Variants in CAMK1D observed in about 807,000 individuals in gnomAD.
CAMK1D encodes calcium/calmodulin-dependent protein kinase type 1D.
CAMK1D carries 9 observed loss-of-function variants against 47.7 expected under a neutral mutation model. That is an observed-to-expected ratio of 0.19 (90% CI 0.11 to 0.33). The LOEUF is 0.33. Among genes scored for constraint, CAMK1D ranks in the 10% least tolerant of loss-of-function variants. The pLI is 1.00. For missense variants in CAMK1D, 291 were observed against 488.7 expected, an observed-to-expected ratio of 0.60 and a Z score of 3.81; for synonymous variants, 184 against 184.9, an observed-to-expected ratio of 0.99 and a Z score of 0.04.
intron 2 of CAMK1D, among the ~76,000 whole-genome samples, chr10:12,577,052 A>C (rs1270248800): frequency 6.6e-6 from 1 of 152,210 alleles, no homozygotes; most frequent in African/African-American, 2.4e-5. Flanking sequence ...TCTAGCACGG[A>C]CTGGGATGCC....
intron 2 of CAMK1D, among the ~76,000 whole-genome samples, chr10:12,657,198 A>G (rs1840142548): frequency 6.6e-6 from 1 of 152,082 alleles, no homozygotes; most frequent in African/African-American, 2.4e-5. Context: ...AGGCCGAGGC[A>G]GGCTGATCAC....
intron 3 of CAMK1D, among the ~76,000 whole-genome samples, chr10:12,756,981 A>C (rs541763890): frequency 6.6e-6 from 1 of 152,214 alleles, no homozygotes; most frequent in African/African-American, 2.4e-5. Flanking sequence ...GCTGTTGTAA[A>C]TAAACCTCAA....
intron 1 of CAMK1D, among the ~76,000 whole-genome samples, chr10:12,537,713 G>A (rs1384079438): frequency 1.3e-5 from 2 of 152,148 alleles, no homozygotes; most frequent in East Asian, 1.9e-4. Context: ...GTGTTAGTGG[G>A]AAGCCCTTGG....
At chr10:12,465,900 C>T (rs1414783078) in intron 1 of CAMK1D, among the ~76,000 whole-genome samples, 1 of 152,126 alleles carries the variant, frequency 6.6e-6, no homozygotes, top group Non-Finnish European at 1.5e-5. Context: ...TTGCTGCCTG[C>T]CCACTGCTAG....
chr10:12,541,380 T>C (rs1010315648), intron 1 of CAMK1D, among the ~76,000 whole-genome samples: 2 of 152,202 alleles, frequency 1.3e-5, no homozygotes, highest in African/African-American at 4.8e-5. Context: ...CTTTTTTTGT[T>C]TAAGATGGAG....
At chr10:12,642,481 G>A (rs982178009) in intron 2 of CAMK1D, among the ~76,000 whole-genome samples, 6 of 152,156 alleles carry the variant, frequency 3.9e-5, no homozygotes, top group Non-Finnish European at 7.4e-5. Context: ...GGGGGGTAGC[G>A]GATAAACCCA....
intron 1 of CAMK1D, among the ~76,000 whole-genome samples, chr10:12,459,569 C>G (rs1833363394): frequency 6.6e-6 from 1 of 152,058 alleles, no homozygotes; most frequent in Admixed American, 6.6e-5. Context: ...GTCTTCATGA[C>G]AGTCATTGTC....
intron 2 of CAMK1D, among the ~76,000 whole-genome samples, chr10:12,650,636 C>T (rs1839933957): frequency 6.6e-6 from 1 of 152,118 alleles, no homozygotes; most frequent in Non-Finnish European, 1.5e-5. Flanking sequence ...CAGTGGGGAC[C>T]ATAACAGACT....
chr10:12,530,999 A>C (rs1290091237), intron 1 of CAMK1D, among the ~76,000 whole-genome samples: 1 of 151,680 alleles, frequency 6.6e-6, no homozygotes. Flanking sequence ...TGAAGGTTGC[A>C]GTGAGCCAAG....
intron 1 of CAMK1D, among the ~76,000 whole-genome samples, chr10:12,527,715 A>C (rs1835672832): frequency 2.0e-5 from 3 of 152,178 alleles, no homozygotes; most frequent in Non-Finnish European, 2.9e-5. Flanking sequence ...ATAAAGGAGG[A>C]AAAATTAATC....
intron 3 of CAMK1D, among the ~76,000 whole-genome samples, chr10:12,735,016 C>T (rs1227630898): frequency 1.3e-5 from 2 of 152,152 alleles, no homozygotes; most frequent in Non-Finnish European, 2.9e-5. Context: ...AAGCATTTAC[C>T]TAGCCTGAAG....
chr10:12,392,791 T>A (rs1451252036), intron 1 of CAMK1D, among the ~76,000 whole-genome samples: 1 of 152,090 alleles, frequency 6.6e-6, no homozygotes, highest in Admixed American at 6.6e-5. Flanking sequence ...GACAAAAGTC[T>A]CCCCAACCCC....
intron 1 of CAMK1D, among the ~76,000 whole-genome samples, chr10:12,409,406 G>C (rs1324547920): frequency 2.0e-5 from 3 of 152,198 alleles, no homozygotes; most frequent in Non-Finnish European, 4.4e-5. Context: ...GGTGTATGCT[G>C]TTCTAGACAG....
At chr10:12,478,769 T>C (rs1191179906) in intron 1 of CAMK1D, among the ~76,000 whole-genome samples, 1 of 152,134 alleles carries the variant, frequency 6.6e-6, no homozygotes, top group Non-Finnish European at 1.5e-5. Flanking sequence ...CACTGTGCAG[T>C]AGGATCTTAG....
intron 1 of CAMK1D, among the ~76,000 whole-genome samples, chr10:12,466,113 T>C (rs548697610): frequency 3.5e-4 from 53 of 150,276 alleles, no homozygotes; most frequent in African/African-American, 1.2e-3. Flanking sequence ...AGGCCAGGAG[T>C]TCGAGACTAG....
chr10:12,355,820 C>T (rs899885061), intron 1 of CAMK1D, among the ~76,000 whole-genome samples: 5 of 152,044 alleles, frequency 3.3e-5, no homozygotes, highest in East Asian at 1.9e-4. Context: ...AGTGAGCAGA[C>T]GAGAATGCCT....
chr10:12,437,048 G>A (rs929663692), intron 1 of CAMK1D, among the ~76,000 whole-genome samples: 2 of 152,138 alleles, frequency 1.3e-5, no homozygotes, highest in African/African-American at 4.8e-5. Context: ...AGTTCAATCA[G>A]CAAGGAGTGG....
At chr10:12,410,478 C>A (rs1169630288) in intron 1 of CAMK1D, among the ~76,000 whole-genome samples, 1 of 152,222 alleles carries the variant, frequency 6.6e-6, no homozygotes, top group Non-Finnish European at 1.5e-5. Context: ...CCATTACTCT[C>A]AGAGTCTGCT....
At chr10:12,420,789 G>A (rs1186612008) in intron 1 of CAMK1D, among the ~76,000 whole-genome samples, 1 of 152,096 alleles carries the variant, frequency 6.6e-6, no homozygotes, top group Non-Finnish European at 1.5e-5. Flanking sequence ...TGAAATGTTC[G>A]ATGTGTTTTC....
Sources: gnomAD v4.1 joint callset for allele counts (sites outside exome capture counted in the v4.1 genomes callset) on GRCh38, gnomAD v4.1.1 for gene constraint, MANE v1.5 for transcripts, NCBI Gene and HGNC (gene_info 2026-07-23, HGNC 2026-07-21) for gene names.